Variants in PLEKHB2 observed in about 807,000 individuals in gnomAD.
The protein encoded by PLEKHB2 is pleckstrin homology domain-containing family B member 2.
In PLEKHB2, 31 loss-of-function variants were observed where a neutral mutation model predicts 36.5. That is an observed-to-expected ratio of 0.85 (90% confidence interval 0.64 to 1.15). PLEKHB2 has a LOEUF of 1.15. Ranked by LOEUF, PLEKHB2 falls within the 50% of genes most tolerant of loss-of-function variation. PLEKHB2 has a pLI of 0.00. For missense variants in PLEKHB2, 262 were observed against 295.3 expected (o/e 0.89, Z 0.83); for synonymous variants, 119 against 112.0 (o/e 1.06, Z -0.39).
intron 7 of PLEKHB2, among the ~76,000 whole-genome samples, chr2:131,146,354 G>C (rs1699284438): frequency 6.6e-6 from 1 of 152,118 alleles, no homozygotes; most frequent in Non-Finnish European, 1.5e-5. Context: ...ATGGTGTCGA[G>C]GGCTGAAGTA....
chr2:131,123,197 C>T (rs1358424796), intron 2 of PLEKHB2, among the ~76,000 whole-genome samples: 1 of 152,160 alleles, frequency 6.6e-6, no homozygotes, highest in Non-Finnish European at 1.5e-5. Context: ...CTGTATATAA[C>T]CCCATCCCCA....
At chr2:131,106,951 C>T (rs1694797883) in intron 1 of PLEKHB2, among the ~76,000 whole-genome samples, 1 of 152,178 alleles carries the variant, frequency 6.6e-6, no homozygotes, top group South Asian at 2.1e-4. Context: ...AAGTAAATTT[C>T]CTGCTATTCT....
intron 1 of PLEKHB2, among the ~76,000 whole-genome samples, chr2:131,115,152 C>T (rs1202429921): frequency 2.0e-5 from 3 of 151,930 alleles, no homozygotes; most frequent in East Asian, 3.9e-4. Context: ...AGAACTTGTG[C>T]GGGGAACTCC....
intron 1 of PLEKHB2, chr2:131,108,209 C>T (rs1389606223): frequency 6.6e-6 from 1 of 152,180 alleles, no homozygotes; most frequent in Non-Finnish European, 1.5e-5. Flanking sequence ...CGATTCAATG[C>T]TTTCAAAGAG....
rs1699488080 is a variant in PLEKHB2, at chr2:131,148,939, T to A, written c.*2166T>A. 6.6e-6 allele frequency: 1 copy of A among 152,138 alleles called. No individual in the cohort carries two copies. Among genetic ancestry groups the A allele is most frequent in the African/African-American group, 2.4e-5 (1 of 41,400 alleles). The allele number at this position is 152,138 out of a possible 1,614,324, so 9.4% of individuals were successfully genotyped here. On this transcript the variant is annotated 3_prime_UTR_variant, in exon 8 of 8. Transcript: ENST00000693505. ...TAATTTTGAACTTGGAATTACTGGG[T>A]GGGAATTCCAGGAACCACAGAGTAT...
intron 2 of PLEKHB2, among the ~76,000 whole-genome samples, chr2:131,124,098 G>T (rs1344075891): frequency 6.6e-6 from 1 of 152,112 alleles, no homozygotes; most frequent in South Asian, 2.1e-4. Flanking sequence ...TTCCACTTCA[G>T]CCTCCCAAAG....
intron 4 of PLEKHB2, among the ~76,000 whole-genome samples, chr2:131,129,456 G>A (rs1437076433): frequency 6.6e-6 from 1 of 151,916 alleles, no homozygotes; most frequent in Admixed American, 6.6e-5. Context: ...AGAGGGATAG[G>A]GTCAGTAAGA....
At chr2:131,130,804 A>G in intron 5 of PLEKHB2, 44 bp downstream of exon 5, 6 of 1,242,858 alleles carry the variant, frequency 4.8e-6, no homozygotes, top group African/African-American at 1.5e-5. Context: ...TTTTTTTTTG[A>G]CAAGGTGTCA....
Position 131,125,822 on chromosome 2 carries a change from A to C in PLEKHB2, c.107A>C (p.Asp36Ala). 6.2e-7 allele frequency: 1 copy of C among 1,612,926 alleles called. No individual in the cohort carries two copies. Among genetic ancestry groups the C allele is most frequent in the Non-Finnish European group, 8.5e-7 (1 of 1,179,132 alleles). Residue 36 changes from aspartate to alanine, a missense_variant, in exon 3 of 8, where the codon GAT becomes GCT. Transcript: ENST00000693505. Reference sequence around the variant, plus strand: ...TCGGATGGTCACCTGATCTATTATGATGACCAGACTCGGCAGAATATCGAG... The same window carrying C: ...TCGGATGGTCACCTGATCTATTATGCTGACCAGACTCGGCAGAATATCGAG... ...LWSDGHLIYY[D>A]DQTRQNIEDK...
intron 7 of PLEKHB2, among the ~76,000 whole-genome samples, chr2:131,140,713 G>T (rs1698700421): frequency 6.6e-6 from 1 of 152,204 alleles, no homozygotes; most frequent in Non-Finnish European, 1.5e-5. Flanking sequence ...CTTGGAGTCT[G>T]TTCTTTCTGT....
intron 3 of PLEKHB2, 89 bp from the exon 4 acceptor site, chr2:131,126,595 T>C: frequency 2.6e-6 from 2 of 762,658 alleles, no homozygotes; most frequent in Non-Finnish European, 4.7e-6. Flanking sequence ...ATTTATTGTC[T>C]AGTCCTTTGC....
chr2:131,139,169 C>T (rs545615954), intron 6 of PLEKHB2, among the ~76,000 whole-genome samples: 32 of 152,218 alleles, frequency 2.1e-4, no homozygotes, highest in Admixed American at 1.6e-3. Context: ...TTTTGGTCTG[C>T]ACTGATCGGC....
chr2:131,112,139 A>T (rs1275186380), intron 1 of PLEKHB2, among the ~76,000 whole-genome samples: 2 of 152,206 alleles, frequency 1.3e-5, no homozygotes, highest in Non-Finnish European at 2.9e-5. Context: ...ACCTTCCAGG[A>T]AGGAGAGAGG....
intron 6 of PLEKHB2, among the ~76,000 whole-genome samples, chr2:131,134,260 C>T (rs1698014324): frequency 6.6e-6 from 1 of 152,216 alleles, no homozygotes; most frequent in South Asian, 2.1e-4. Context: ...GATCTCGGCT[C>T]ACCACAACCT....
chr2:131,143,137 A>C (rs1236525621), intron 7 of PLEKHB2, among the ~76,000 whole-genome samples: 1 of 152,192 alleles, frequency 6.6e-6, no homozygotes, highest in African/African-American at 2.4e-5. Flanking sequence ...TGCTCTGAGC[A>C]GTTGAAGGTA....
chr2:131,133,062 T>G (rs1254979200), intron 6 of PLEKHB2, 71 bp downstream of exon 6: 1 of 970,118 alleles, frequency 1.0e-6, no homozygotes, highest in Non-Finnish European at 1.6e-6. Flanking sequence ...TTGTTTTGTT[T>G]TTTTAAATGA....
At chr2:131,143,271 T>A (rs1698970376) in intron 7 of PLEKHB2, among the ~76,000 whole-genome samples, 1 of 152,228 alleles carries the variant, frequency 6.6e-6, no homozygotes, top group Admixed American at 6.5e-5. Flanking sequence ...GCATCTCTGT[T>A]AACATGTCAG....
At chr2:131,106,802 T>G (rs1447747245) in intron 1 of PLEKHB2, among the ~76,000 whole-genome samples, 3 of 152,198 alleles carry the variant, frequency 2.0e-5, no homozygotes, top group African/African-American at 7.2e-5. Context: ...GTTGCAGGGT[T>G]TCCCTAATAA....
intron 4 of PLEKHB2, among the ~76,000 whole-genome samples, chr2:131,130,454 T>C (rs187874680): frequency 6.6e-6 from 1 of 152,334 alleles, no homozygotes; most frequent in East Asian, 1.9e-4. Flanking sequence ...TGCCATGAAC[T>C]GACAAAGCAA....
Sources: allele counts gnomAD v4.1 joint callset (sites outside exome capture counted in the v4.1 genomes callset), GRCh38; gene constraint gnomAD v4.1.1; transcripts MANE v1.5; gene names NCBI Gene and HGNC (gene_info 2026-07-23, HGNC 2026-07-21).